The following CTNND2 variants were observed in gnomAD, a reference collection of about 807,000 sequenced individuals.
The protein encoded by CTNND2 is catenin delta 2, also known as catenin delta-2.
In CTNND2, 22 loss-of-function variants were observed where a neutral mutation model predicts 144.4. The observed-to-expected ratio is 0.15, with a 90% CI of 0.11 to 0.22. The LOEUF (loss-of-function observed/expected upper bound fraction) is 0.22. CTNND2 is among the 10% of genes least tolerant of loss of function. The pLI, the probability that CTNND2 is intolerant of heterozygous loss-of-function variation, is 1.00. For synonymous variants in CTNND2, 751 were observed against 695.6 expected (o/e 1.08, Z -1.25); for missense variants, 1,353 against 1,618.8 (o/e 0.84, Z 2.82).
chr5:11,648,895 A>G (rs1172933442), intron 2 of CTNND2, among the ~76,000 whole-genome samples: 1 of 152,184 alleles, frequency 6.6e-6, no homozygotes, highest in East Asian at 1.9e-4. Flanking sequence ...CTGATTTCAT[A>G]TTTTATTTTC....
intron 1 of CTNND2, among the ~76,000 whole-genome samples, chr5:11,813,711 G>A (rs766992796): frequency 3.9e-5 from 6 of 152,092 alleles, no homozygotes; most frequent in South Asian, 2.1e-4. Flanking sequence ...ACAGGGTCTC[G>A]CTATGTTGCC....
At chr5:11,318,456 CA>C (rs1283907024) in intron 9 of CTNND2, among the ~76,000 whole-genome samples, 1 of 152,182 alleles carries the variant, frequency 6.6e-6, no homozygotes, top group African/African-American at 2.4e-5. Context: ...CTCTCCAGTC[CA>C]TGCCCCCTCC....
At chr5:11,726,290 T>A (rs1295299410) in intron 2 of CTNND2, among the ~76,000 whole-genome samples, 1 of 152,124 alleles carries the variant, frequency 6.6e-6, no homozygotes, top group Non-Finnish European at 1.5e-5. Context: ...ATTAGAAACA[T>A]GTTTGAAATA....
intron 9 of CTNND2, among the ~76,000 whole-genome samples, chr5:11,301,948 G>A (rs1426899906): frequency 6.6e-6 from 1 of 152,078 alleles, no homozygotes; most frequent in African/African-American, 2.4e-5. Context: ...ACTGAGTTGT[G>A]TCCTTGAGGA....
Position 11,252,119 on chromosome 5 carries a change from C to A in CTNND2, c.1629-15296G>T, listed in dbSNP as rs1216702962. ...TTTATTATATTCAGCTTGTTCTTCA[C>A]TGCATCAAATTGCTCTTAATGTCTT... On this transcript the variant is annotated intron_variant, in intron 9 of 21. Coordinates refer to ENST00000304623, the MANE Select transcript of CTNND2 (RefSeq NM_001332.4). 2.6e-5 allele frequency among the ~76,000 whole-genome samples: 4 copies of A among 152,190 alleles called. No homozygotes were observed. The South Asian group carries it at 8.3e-4, about 32-fold the overall frequency.
intron 15 of CTNND2, chr5:11,083,897 G>GC: frequency 8.8e-7 from 1 of 1,138,662 alleles, no homozygotes; most frequent in Non-Finnish European, 1.1e-6. Context: ...CAGGCAGGGA[G>GC]CCCCCTCTGG....
At chr5:11,514,249 CAT>C (rs1222993172) in intron 3 of CTNND2, among the ~76,000 whole-genome samples, 3 of 151,686 alleles carry the variant, frequency 2.0e-5, no homozygotes, top group East Asian at 3.9e-4. Context: ...TCAATATACA[CAT>C]ATATATATAA....
At chr5:11,679,028 G>A (rs1194879526) in intron 2 of CTNND2, among the ~76,000 whole-genome samples, 1 of 152,002 alleles carries the variant, frequency 6.6e-6, no homozygotes, top group East Asian at 1.9e-4. Context: ...TGCAATCTCA[G>A]AGGAGGGAAA....
intron 5 of CTNND2, among the ~76,000 whole-genome samples, chr5:11,404,768 C>T (rs1420674525): frequency 6.6e-6 from 1 of 151,640 alleles, no homozygotes; most frequent in Admixed American, 6.6e-5. Context: ...CAGGGGTGCC[C>T]CACCATGCCC....
At chr5:11,250,780 G>A (rs1417758616) in intron 9 of CTNND2, among the ~76,000 whole-genome samples, 5 of 151,878 alleles carry the variant, frequency 3.3e-5, no homozygotes, top group Non-Finnish European at 5.9e-5. Flanking sequence ...GCCTCCCAAA[G>A]TGCTGGGATT....
At chr5:11,561,298 C>A (rs1776665172) in intron 3 of CTNND2, among the ~76,000 whole-genome samples, 1 of 152,316 alleles carries the variant, frequency 6.6e-6, no homozygotes, top group East Asian at 1.9e-4. Context: ...AAACCAAAAT[C>A]TCTATTTGTG....
At chr5:11,153,317 G>A (rs1327827814) in intron 12 of CTNND2, among the ~76,000 whole-genome samples, 1 of 152,118 alleles carries the variant, frequency 6.6e-6, no homozygotes, top group Non-Finnish European at 1.5e-5. Context: ...CTCATCTCTG[G>A]CCAAGACTGG....
intron 15 of CTNND2, among the ~76,000 whole-genome samples, chr5:11,083,728 TTTTGA>T (rs1749842493): frequency 2.0e-5 from 3 of 152,256 alleles, no homozygotes; most frequent in African/African-American, 7.2e-5. Context: ...TGCAATTTCA[TTTTGA>T]TTTAAGAAAA....
intron 1 of CTNND2, among the ~76,000 whole-genome samples, chr5:11,804,924 TGAA>T (rs1791908679): frequency 6.6e-6 from 1 of 152,236 alleles, no homozygotes; most frequent in South Asian, 2.1e-4. Flanking sequence ...ACAACCTCAC[TGAA>T]GAAGGTGAGA....
intron 9 of CTNND2, among the ~76,000 whole-genome samples, chr5:11,281,701 C>G (rs1747135117): frequency 6.6e-6 from 1 of 152,208 alleles, no homozygotes; most frequent in African/African-American, 2.4e-5. Flanking sequence ...CTCCTCCCCA[C>G]CCACTCACAT....
chr5:11,043,706 C>A (rs958388442), intron 16 of CTNND2, among the ~76,000 whole-genome samples: 1 of 152,034 alleles, frequency 6.6e-6, no homozygotes, highest in African/African-American at 2.4e-5. Flanking sequence ...TTTTTACAAG[C>A]AATATTAATA....
intron 2 of CTNND2, among the ~76,000 whole-genome samples, chr5:11,651,020 C>T (rs1481941029): frequency 6.6e-6 from 1 of 152,112 alleles, no homozygotes; most frequent in Non-Finnish European, 1.5e-5. Flanking sequence ...AAAGAGAAGC[C>T]AAATGTTAAT....
chr5:11,356,636 G>T (rs968120437), intron 8 of CTNND2, among the ~76,000 whole-genome samples: 2 of 151,670 alleles, frequency 1.3e-5, no homozygotes, highest in Non-Finnish European at 2.9e-5. Flanking sequence ...TATTGGGCTG[G>T]GCAAGAATTT....
In CTNND2 at chr5:11,564,935, C is replaced by T. The variant is rs1245837908; in HGVS notation, c.287+9G>A. The T allele has an allele frequency of 3.8e-6, 6 of 1,599,076 alleles. No homozygotes were observed. Among genetic ancestry groups the T allele is most frequent in the East Asian group, 2.2e-5 (1 of 44,758 alleles). On this transcript the variant is annotated intron_variant, in intron 3 of 21. Coordinates refer to ENST00000304623, the MANE Select transcript of CTNND2 (RefSeq NM_001332.4). The stretch of plus-strand genomic sequence containing the variant: ...AAAGCACAGACAATGAACAGAGCGG[C>T]GCTAGTACCTCATGCTGCTCATGCT...
Sources: allele counts gnomAD v4.1 joint callset (sites outside exome capture counted in the v4.1 genomes callset), GRCh38; gene constraint gnomAD v4.1.1; transcripts MANE v1.5; gene names NCBI Gene and HGNC (gene_info 2026-07-23, HGNC 2026-07-21).